The following CD109 variants were observed in gnomAD, a reference collection of about 807,000 sequenced individuals.
The protein encoded by CD109 is CD109 molecule.
A neutral mutation model predicts 165.8 loss-of-function variants in CD109; 149 were observed. That is an observed-to-expected ratio of 0.90 (90% CI 0.79 to 1.03). CD109 has a LOEUF of 1.03. Among genes scored for constraint, CD109 ranks in the 50% least tolerant of loss-of-function variants. CD109 has a pLI of 0.00. For synonymous variants in CD109, 585 were observed against 592.1 expected (o/e 0.99, Z 0.18); for missense variants, 1,712 against 1,677.8 (o/e 1.02, Z -0.36).
At chr6:73,706,633 G>A (rs1454468695) in intron 2 of CD109, among the ~76,000 whole-genome samples, 4 of 152,166 alleles carry the variant, frequency 2.6e-5, no homozygotes, top group African/African-American at 7.2e-5. Flanking sequence ...ACTTTCTTCC[G>A]TTGCAAGGCT....
intron 23 of CD109, among the ~76,000 whole-genome samples, chr6:73,798,264 G>C (rs969186505): frequency 5.3e-5 from 8 of 152,002 alleles, no homozygotes; most frequent in Non-Finnish European, 1.0e-4. Flanking sequence ...ACAGGTGTGT[G>C]CCACCACACC....
chr6:73,765,893 C>G (rs369728800), intron 10 of CD109, 37 bp from the exon 11 acceptor site: 36 of 1,402,094 alleles, frequency 2.6e-5, no homozygotes, highest in Non-Finnish European at 3.0e-5. Context: ...GTACTTAAAT[C>G]CTTTGTGTTT....
chr6:73,781,835 A>ACACACACACACACACACACACCCC (rs150665697), intron 17 of CD109, among the ~76,000 whole-genome samples: 3 of 144,422 alleles, frequency 2.1e-5, no homozygotes, highest in African/African-American at 7.9e-5. Flanking sequence ...ACACACACAC[A>ACACACACACACACACACACACCCC]CCCCTCATCA....
chr6:73,691,850 A>G (rs1284798531), upstream of CD109, among the ~76,000 whole-genome samples: 1 of 152,164 alleles, frequency 6.6e-6, no homozygotes, highest in Non-Finnish European at 1.5e-5. Context: ...AGACTGGGTA[A>G]CTTATAAAGA....
rs1396075314 is a variant in CD109, at chr6:73,826,402, A to G, written c.*2769A>G. The G allele has an allele frequency of 6.6e-6, 1 of 152,178 alleles. No individual in the cohort carries two copies. Among genetic ancestry groups the G allele is most frequent in the African/African-American group, 2.4e-5 (1 of 41,444 alleles). 9.4% of individuals were successfully genotyped at this position (152,178 alleles called of 1,614,324 possible). ...TCCCCCTTCTTTTCCACTCACTGGG[A>G]ACCTTAGTAAAACACCAGCATATCT... On this transcript the variant is annotated 3_prime_UTR_variant, in exon 33 of 33. Coordinates refer to ENST00000287097, the MANE Select transcript of CD109 (RefSeq NM_133493.5).
At chr6:73,753,159 G>C (rs1773257624) in intron 5 of CD109, among the ~76,000 whole-genome samples, 1 of 152,100 alleles carries the variant, frequency 6.6e-6, no homozygotes, top group Non-Finnish European at 1.5e-5. Context: ...ATTGTGTCTG[G>C]CTACATTTGC....
chr6:73,682,238 C>A, the CD109 span, among the ~76,000 whole-genome samples: 55 of 152,252 alleles, frequency 3.6e-4, no homozygotes, highest in African/African-American at 1.3e-3. Context: ...AAATCAAAAG[C>A]AGGTTAGTTG....
chr6:73,818,457 T>C lies in CD109; in HGVS notation c.3981T>C (p.Pro1327=). The change falls in exon 31 of 33, where the codon CCT becomes CCC. Residue 1327 remains proline, a synonymous_variant. Transcript: ENST00000287097. ...ACCTATTAAGTGGCTTTATGGTGCC[T>C]TCAGAAGCAATTTCTCTGAGCGAGA... ...EVNLLSGFMV[P]SEAISLSETV... 1 of 1,613,796 alleles carries C rather than the reference T, an allele frequency of 6.2e-7. No homozygotes were observed. Among genetic ancestry groups the C allele is most frequent in the Non-Finnish European group, 8.5e-7 (1 of 1,179,906 alleles).
intron 2 of CD109, among the ~76,000 whole-genome samples, chr6:73,713,441 T>TG (rs1315564456): frequency 2.0e-5 from 3 of 151,922 alleles, no homozygotes; most frequent in Admixed American, 2.0e-4. Flanking sequence ...TTAATAGAGA[T>TG]GGGGTCACAC....
chr6:73,700,222 A>G (rs567078303), intron 2 of CD109, among the ~76,000 whole-genome samples: 1 of 151,918 alleles, frequency 6.6e-6, no homozygotes, highest in Non-Finnish European at 1.5e-5. Flanking sequence ...AGCTGGGACT[A>G]CAGGCAAGTG....
chr6:73,823,439 T>C lies in CD109; in HGVS notation c.4163-19T>C, dbSNP rs746068105. The C allele has an allele frequency of 1.3e-6, 2 of 1,590,002 alleles. No homozygotes were observed. The highest frequency in any genetic ancestry group is 1.1e-5 in the South Asian group (1 of 89,310). ...TAAACAAGGGAGCCGTGTGAACTGA[T>C]GTCTGCTTCTTTGAACAGGGAGACA... On this transcript the variant is annotated intron_variant, in intron 32 of 32. Coordinates refer to ENST00000287097, the MANE Select transcript of CD109 (RefSeq NM_133493.5).
chr6:73,723,331 C>G, intron 3 of CD109, 52 bp downstream of exon 3: 1 of 1,283,948 alleles, frequency 7.8e-7, no homozygotes, highest in Non-Finnish European at 1.1e-6. Context: ...TATCAGTGAA[C>G]TAAATAAATT....
At chr6:73,696,344 C>T in intron 1 of CD109, 55 bp downstream of exon 1, 2 of 1,336,512 alleles carry the variant, frequency 1.5e-6, no homozygotes, top group South Asian at 1.8e-5. Flanking sequence ...GGCCGCTCTG[C>T]GGCTCTGGGC....
chr6:73,785,125 GT>G (rs1774639027), intron 19 of CD109, among the ~76,000 whole-genome samples: 1 of 152,184 alleles, frequency 6.6e-6, no homozygotes, highest in Non-Finnish European at 1.5e-5. Flanking sequence ...TATGTGAAGT[GT>G]TTGGTTGCTA....
chr6:73,689,440 C>T, the CD109 span, among the ~76,000 whole-genome samples: 2 of 152,264 alleles, frequency 1.3e-5, no homozygotes, highest in East Asian at 1.9e-4. Context: ...GTAGAATCTG[C>T]CAGAGAATTG....
chr6:73,704,459 G>A (rs2150149074), intron 2 of CD109, among the ~76,000 whole-genome samples: 1 of 152,300 alleles, frequency 6.6e-6, no homozygotes, highest in South Asian at 2.1e-4. Flanking sequence ...ATGACTTGGG[G>A]TTTGATTGTG....
intron 2 of CD109, among the ~76,000 whole-genome samples, chr6:73,714,300 G>A (rs1408581881): frequency 6.6e-6 from 1 of 152,154 alleles, no homozygotes; most frequent in Non-Finnish European, 1.5e-5. Flanking sequence ...CCTTGCCCAT[G>A]GTGGCCTCCC....
rs368532280 is a variant in CD109, at chr6:73,706,730, C to T, written c.247+9158C>T. Among the ~76,000 whole-genome samples the T allele has an allele frequency of 1.3e-5, 2 of 152,036 alleles. 1 individual carries two copies. Among genetic ancestry groups the T allele is most frequent in the Non-Finnish European group, 2.9e-5 (2 of 67,996 alleles). On this transcript the variant is annotated intron_variant, in intron 2 of 32. Transcript: ENST00000287097. ...CTATAGGTTGTTAGTTCTGAAGAAACGATTCATAAATTAAAATCCGAAAAC... is the reference window on the plus strand; with the variant it reads ...CTATAGGTTGTTAGTTCTGAAGAAATGATTCATAAATTAAAATCCGAAAAC...
intron 23 of CD109, among the ~76,000 whole-genome samples, chr6:73,794,780 C>T (rs1211339358): frequency 1.3e-5 from 2 of 152,070 alleles, no homozygotes; most frequent in African/African-American, 4.8e-5. Context: ...CTGAAATGCA[C>T]CAGGTGGTTA....
Sources: gnomAD v4.1 joint callset for allele counts (sites outside exome capture counted in the v4.1 genomes callset) on GRCh38, gnomAD v4.1.1 for gene constraint, MANE v1.5 for transcripts, NCBI Gene and HGNC (gene_info 2026-07-23, HGNC 2026-07-21) for gene names.